The following IL34 variants were observed in gnomAD, a reference collection of about 807,000 sequenced individuals.
IL34 encodes the protein interleukin-34.
A neutral mutation model predicts 25.3 loss-of-function variants in IL34; 17 were observed. The observed-to-expected ratio is 0.67, with a 90% CI of 0.46 to 1.01. The LOEUF (loss-of-function observed/expected upper bound fraction) is 1.01. Ranked by LOEUF, IL34 falls within the 50% of genes least tolerant of loss-of-function variation. The pLI is 0.00. For missense variants in IL34, 368 were observed against 312.9 expected (o/e 1.18, Z -1.33); for synonymous variants, 174 against 140.9 (o/e 1.23, Z -1.66).
At chr16:70,618,676 T>C (rs986946916) in intron 1 of IL34, among the ~76,000 whole-genome samples, 1 of 152,152 alleles carries the variant, frequency 6.6e-6, no homozygotes, top group African/African-American at 2.4e-5. Context: ...ACGCTAACCA[T>C]GCCTAGGGAG....
intron 1 of IL34, among the ~76,000 whole-genome samples, chr16:70,620,835 AG>A (rs1379816728): frequency 6.6e-6 from 1 of 152,146 alleles, no homozygotes; most frequent in African/African-American, 2.4e-5. Flanking sequence ...CTTAGGTTTT[AG>A]GTCAGGTGTG....
At chr16:70,630,599 G>GGT (rs1424431190) in intron 1 of IL34, among the ~76,000 whole-genome samples, 2 of 146,668 alleles carry the variant, frequency 1.4e-5, no homozygotes, top group Non-Finnish European at 3.0e-5. Flanking sequence ...TTTTTTCTGA[G>GGT]GTAGGGTCTC....
At position 70,620,515 on chromosome 16, in the gene IL34, G is replaced by A. The variant is rs150908562; in HGVS notation, c.-400-26033G>A. On this transcript the variant is annotated intron_variant, in intron 1 of 6. Transcript: ENST00000429149. ...GGACCTAGCTCAGCCTGGCGAGGAG[G>A]GGAGAGGTCAGATGGGTCTGTAGAA... is the stretch of plus-strand genomic sequence containing the variant. Among the ~76,000 whole-genome samples the A allele has an allele frequency of 9.3e-3, 1,409 of 152,106 alleles. 26 individuals are homozygous for A. The highest frequency in any genetic ancestry group is 0.032 in the African/African-American group (1,337 of 41,494).
intron 1 of IL34, among the ~76,000 whole-genome samples, chr16:70,589,763 C>T (rs2050731720): frequency 6.6e-6 from 1 of 151,968 alleles, no homozygotes; most frequent in African/African-American, 2.4e-5. Context: ...GCTGGGATTA[C>T]AGGTGCCCGC....
At chr16:70,644,292 T>C (rs2051854576), upstream of IL34, among the ~76,000 whole-genome samples, 1 of 152,142 alleles carries the variant, frequency 6.6e-6, no homozygotes, top group Non-Finnish European at 1.5e-5. Context: ...TGGAGTTTAT[T>C]CTGCCTCAAC....
chr16:70,616,939 GA>G (rs1416663099), intron 1 of IL34, among the ~76,000 whole-genome samples: 1 of 152,138 alleles, frequency 6.6e-6, no homozygotes, highest in Non-Finnish European at 1.5e-5. Context: ...ATATTAATAA[GA>G]AAAATCAAAA....
At chr16:70,619,693 C>G (rs970003746) in intron 1 of IL34, among the ~76,000 whole-genome samples, 6 of 152,314 alleles carry the variant, frequency 3.9e-5, no homozygotes, top group African/African-American at 1.2e-4. Context: ...TGATGGTCTA[C>G]AGGGCTTTCG....
At chr16:70,640,833 C>T (rs999904254) in intron 1 of IL34, among the ~76,000 whole-genome samples, 2 of 152,084 alleles carry the variant, frequency 1.3e-5, no homozygotes, top group African/African-American at 4.8e-5. Context: ...CCCCTGCGCC[C>T]CTTCTCAGTC....
chr16:70,645,764 T>C (rs1467575992), upstream of IL34, among the ~76,000 whole-genome samples: 1 of 152,160 alleles, frequency 6.6e-6, no homozygotes, highest in Non-Finnish European at 1.5e-5. Flanking sequence ...TGTAAAGACC[T>C]TAGTCCTGGC....
At chr16:70,591,745 G>A (rs1432468653) in intron 1 of IL34, among the ~76,000 whole-genome samples, 1 of 152,114 alleles carries the variant, frequency 6.6e-6, no homozygotes, top group East Asian at 1.9e-4. Context: ...GGCCCAGCTG[G>A]TGACGTGCAG....
intron 1 of IL34, among the ~76,000 whole-genome samples, chr16:70,612,313 A>ACTGGGGG (rs560548899): frequency 0.36 from 54,327 of 150,410 alleles, 10,433 homozygotes; most frequent in South Asian, 0.61. Flanking sequence ...GCCTGAAAGC[A>ACTGGGGG]CTGGGGGCTG....
At chr16:70,628,493 A>T (rs185452338) in intron 1 of IL34, among the ~76,000 whole-genome samples, 2,565 of 146,190 alleles carry the variant, frequency 0.018, 34 homozygotes, top group South Asian at 0.061. Flanking sequence ...TTATTTATTT[A>T]TTTTTTTTTT....
intron 1 of IL34, among the ~76,000 whole-genome samples, chr16:70,618,985 G>A (rs992042303): frequency 1.3e-5 from 2 of 152,164 alleles, no homozygotes; most frequent in African/African-American, 4.8e-5. Context: ...GGGTTATAGA[G>A]GCAGGTATTG....
intron 2 of IL34, among the ~76,000 whole-genome samples, chr16:70,656,025 C>T (rs1458372880): frequency 6.6e-6 from 1 of 152,242 alleles, no homozygotes; most frequent in African/African-American, 2.4e-5. Context: ...AGAACATTCT[C>T]ACCCACAAAA....
intron 1 of IL34, among the ~76,000 whole-genome samples, chr16:70,595,443 C>G (rs2050808606): frequency 6.6e-6 from 1 of 152,138 alleles, no homozygotes; most frequent in Non-Finnish European, 1.5e-5. Context: ...GCCTCAGCCT[C>G]TCGTGTAGCT....
intron 1 of IL34, among the ~76,000 whole-genome samples, chr16:70,603,619 C>G (rs1460138006): frequency 1.3e-5 from 2 of 152,154 alleles, no homozygotes; most frequent in Non-Finnish European, 2.9e-5. Context: ...GTCACCCAGG[C>G]TGGAATACAG....
intron 1 of IL34, among the ~76,000 whole-genome samples, chr16:70,648,493 C>T (rs1327672507): frequency 7.5e-6 from 1 of 134,166 alleles, no homozygotes. Flanking sequence ...GTTGAGGCTG[C>T]AGTAGCAAGG....
intron 1 of IL34, among the ~76,000 whole-genome samples, 170 bp downstream of exon 1, chr16:70,647,145 G>T (rs1275606454): frequency 6.6e-6 from 1 of 152,266 alleles, no homozygotes; most frequent in Non-Finnish European, 1.5e-5. Flanking sequence ...TGCCCTGTCT[G>T]CCGCTCACTT....
chr16:70,645,108 A>G (rs1567461157), upstream of IL34, among the ~76,000 whole-genome samples: 1 of 129,606 alleles, frequency 7.7e-6, no homozygotes, highest in African/African-American at 2.8e-5. Context: ...AGGGGGAAAG[A>G]GGAGGAAGAA....
Sources: allele counts gnomAD v4.1 joint callset (sites outside exome capture counted in the v4.1 genomes callset), GRCh38; gene constraint gnomAD v4.1.1; transcripts MANE v1.5; gene names NCBI Gene and HGNC (gene_info 2026-07-23, HGNC 2026-07-21).